Variants in SIPA1L1 observed in about 807,000 individuals in gnomAD.
The protein encoded by SIPA1L1 is signal induced proliferation associated 1 like 1.
SIPA1L1 carries 26 observed loss-of-function variants against 162.7 expected under a neutral mutation model. That is an observed-to-expected ratio of 0.16 (90% CI 0.12 to 0.22). SIPA1L1 has a LOEUF of 0.22. SIPA1L1 is among the 10% of genes least tolerant of loss of function. SIPA1L1 has a pLI of 1.00. For synonymous variants in SIPA1L1, 829 were observed against 837.4 expected (o/e 0.99, Z 0.17); for missense variants, 1,874 against 2,241.0 (o/e 0.84, Z 3.31).
chr14:71,675,723 G>C (rs111406198), intron 12 of SIPA1L1, among the ~76,000 whole-genome samples: 12 of 152,156 alleles, frequency 7.9e-5, no homozygotes, highest in African/African-American at 2.9e-4. Flanking sequence ...CACTGCAGCT[G>C]CAGCGAGAGG....
At chr14:71,466,247 A>G (rs1452095426) in intron 2 of SIPA1L1, among the ~76,000 whole-genome samples, 1 of 152,208 alleles carries the variant, frequency 6.6e-6, no homozygotes, top group East Asian at 1.9e-4. Context: ...GCCATCCACT[A>G]GAATTTATGA....
At chr14:71,626,255 A>G (rs2148642175) in intron 7 of SIPA1L1, among the ~76,000 whole-genome samples, 1 of 152,276 alleles carries the variant, frequency 6.6e-6, no homozygotes, top group South Asian at 2.1e-4. Flanking sequence ...TAAATATGTC[A>G]TCCCGTTCAA....
intron 4 of SIPA1L1, among the ~76,000 whole-genome samples, chr14:71,584,624 G>A (rs1317592789): frequency 2.0e-5 from 3 of 152,122 alleles, no homozygotes; most frequent in Non-Finnish European, 4.4e-5. Context: ...AAGAATGGTG[G>A]GTTAGGTTGT....
intron 12 of SIPA1L1, among the ~76,000 whole-genome samples, chr14:71,680,596 G>A (rs1157988922): frequency 6.6e-6 from 1 of 152,134 alleles, no homozygotes; most frequent in African/African-American, 2.4e-5. Context: ...AGATCTGAAG[G>A]AGATAGAGAC....
At chr14:71,736,441 A>G (rs1033120984) in intron 22 of SIPA1L1, among the ~76,000 whole-genome samples, 2 of 152,224 alleles carry the variant, frequency 1.3e-5, no homozygotes, top group Non-Finnish European at 1.5e-5. Flanking sequence ...AACTCCAGGT[A>G]TCTGTAAAAC....
chr14:71,593,811 C>T (rs1429961031), intron 5 of SIPA1L1, among the ~76,000 whole-genome samples: 2 of 152,052 alleles, frequency 1.3e-5, no homozygotes, highest in African/African-American at 2.4e-5. Flanking sequence ...CTCCACTGAT[C>T]AACAGTGTTG....
At chr14:71,359,602 G>A (rs954662328) in intron 2 of SIPA1L1, among the ~76,000 whole-genome samples, 4 of 152,188 alleles carry the variant, frequency 2.6e-5, no homozygotes, top group African/African-American at 7.2e-5. Flanking sequence ...CTTGGCAAAA[G>A]CAGCTGCTTT....
chr14:71,426,414 A>C (rs1189413707), intron 2 of SIPA1L1, among the ~76,000 whole-genome samples: 1 of 140,532 alleles, frequency 7.1e-6, no homozygotes, highest in Non-Finnish European at 1.5e-5. Context: ...TTCTGTAGGT[A>C]TTTTCTTTGT....
chr14:71,624,147 G>T lies in SIPA1L1; in HGVS notation c.1729G>T (p.Val577Leu). Residue 577 changes from valine to leucine, a missense_variant, in exon 7 of 24, where the codon GTG (valine) becomes TTG (leucine). Coordinates refer to ENST00000381232, the MANE Select transcript of SIPA1L1 (RefSeq NM_001386936.1). Reference sequence around the variant, plus strand: ...GCCTCTCAAAGAAGTGCTGGAGCACGTGGTTCCTGAGCTCAATGTCCAGTG... The same window carrying T: ...GCCTCTCAAAGAAGTGCTGGAGCACTTGGTTCCTGAGCTCAATGTCCAGTG... ...GLPLKEVLEH[V>L]VPELNVQCLR... 6.2e-7 allele frequency: 1 copy of T among 1,614,196 alleles called. No individual in the cohort carries two copies. The highest frequency in any genetic ancestry group is 8.5e-7 in the Non-Finnish European group (1 of 1,180,028).
intron 4 of SIPA1L1, among the ~76,000 whole-genome samples, chr14:71,540,812 G>C (rs1221592554): frequency 6.6e-6 from 1 of 152,044 alleles, no homozygotes; most frequent in Non-Finnish European, 1.5e-5. Flanking sequence ...AGAAAGCCAA[G>C]CTGTAACGCA....
chr14:71,371,342 C>G (rs1330624431), intron 2 of SIPA1L1, among the ~76,000 whole-genome samples: 1 of 152,124 alleles, frequency 6.6e-6, no homozygotes, highest in Non-Finnish European at 1.5e-5. Context: ...TTAAAATGGT[C>G]TGTCTCTACT....
chr14:71,637,548 A>G (rs1213118055), intron 7 of SIPA1L1, among the ~76,000 whole-genome samples: 1 of 152,058 alleles, frequency 6.6e-6, no homozygotes, highest in Non-Finnish European at 1.5e-5. Flanking sequence ...TGGGCAACAT[A>G]GTGAGACACT....
chr14:71,629,346 G>A (rs1340617445), intron 7 of SIPA1L1, among the ~76,000 whole-genome samples: 1 of 152,136 alleles, frequency 6.6e-6, no homozygotes, highest in African/African-American at 2.4e-5. Context: ...TATTGTTCCT[G>A]TTTTATAGCT....
intron 2 of SIPA1L1, among the ~76,000 whole-genome samples, chr14:71,340,135 A>G (rs1209598068): frequency 6.6e-6 from 1 of 152,104 alleles, no homozygotes; most frequent in East Asian, 1.9e-4. Context: ...ATAATAAAAG[A>G]TTTTCATCTG....
intron 5 of SIPA1L1, among the ~76,000 whole-genome samples, chr14:71,598,892 A>G (rs531134559): frequency 2.6e-5 from 4 of 152,254 alleles, no homozygotes; most frequent in Non-Finnish European, 5.9e-5. Context: ...GCTATTGAGC[A>G]TTAGAACTTT....
At chr14:71,368,022 TTTTACTCAAGTC>T (rs2038509711) in intron 2 of SIPA1L1, among the ~76,000 whole-genome samples, 3 of 151,488 alleles carry the variant, frequency 2.0e-5, no homozygotes, top group Non-Finnish European at 4.4e-5. Context: ...CTTAAACCTT[TTTTACTCAAGTC>T]AGAATAGAAC....
At chr14:71,370,942 G>A (rs965302990) in intron 2 of SIPA1L1, among the ~76,000 whole-genome samples, 2 of 152,012 alleles carry the variant, frequency 1.3e-5, no homozygotes, top group Non-Finnish European at 2.9e-5. Context: ...TCTATAGAAA[G>A]TACTTATAAT....
chr14:71,496,420 G>A (rs1003713552), intron 2 of SIPA1L1, among the ~76,000 whole-genome samples: 2 of 151,970 alleles, frequency 1.3e-5, no homozygotes, highest in Non-Finnish European at 2.9e-5. Flanking sequence ...TCAAGTATTT[G>A]GAGATTTCTC....
At chr14:71,351,874 T>C (rs972802661) in intron 2 of SIPA1L1, among the ~76,000 whole-genome samples, 2 of 151,922 alleles carry the variant, frequency 1.3e-5, no homozygotes, top group Non-Finnish European at 2.9e-5. Context: ...TACTGGGGAC[T>C]CTGTACTCAG....
Sources: allele counts gnomAD v4.1 joint callset (sites outside exome capture counted in the v4.1 genomes callset), GRCh38; gene constraint gnomAD v4.1.1; transcripts MANE v1.5; gene names NCBI Gene and HGNC (gene_info 2026-07-23, HGNC 2026-07-21).